Variants in CNTNAP2 observed in about 807,000 individuals in gnomAD.
CNTNAP2 encodes the protein contactin-associated protein-like 2.
A neutral mutation model predicts 155.2 loss-of-function variants in CNTNAP2; 98 were observed. The ratio of observed to expected loss-of-function variants is 0.63; its 90% CI spans 0.54 to 0.75. CNTNAP2 has a LOEUF of 0.75. Among genes scored for constraint, CNTNAP2 ranks in the 30% least tolerant of loss-of-function variants. The pLI is 0.00. For synonymous variants in CNTNAP2, 651 were observed against 631.2 expected, an observed-to-expected ratio of 1.03 and a Z score of -0.47; for missense variants, 1,727 against 1,688.1, an observed-to-expected ratio of 1.02 and a Z score of -0.40.
intron 3 of CNTNAP2, among the ~76,000 whole-genome samples, chr7:146,982,498 A>G (rs1798036997): frequency 6.6e-6 from 1 of 152,144 alleles, no homozygotes; most frequent in South Asian, 2.1e-4. Context: ...GAAAGTCTTG[A>G]TGCTCAATTA....
intron 3 of CNTNAP2, among the ~76,000 whole-genome samples, chr7:146,865,985 C>T (rs1001896891): frequency 6.6e-6 from 1 of 152,070 alleles, no homozygotes; most frequent in African/African-American, 2.4e-5. Flanking sequence ...TGAATACATT[C>T]TTCTTCTATT....
At chr7:147,108,928 G>A (rs142072183) in intron 5 of CNTNAP2, among the ~76,000 whole-genome samples, 167 of 152,278 alleles carry the variant, frequency 1.1e-3, no homozygotes, top group African/African-American at 3.6e-3. Flanking sequence ...GCACGCTCAA[G>A]AAGCAGGAAG....
At chr7:147,187,401 G>T (rs1229929592) in intron 8 of CNTNAP2, among the ~76,000 whole-genome samples, 1 of 152,014 alleles carries the variant, frequency 6.6e-6, no homozygotes, top group Non-Finnish European at 1.5e-5. Flanking sequence ...AGAAAATATG[G>T]TCACAAATAC....
intron 12 of CNTNAP2, among the ~76,000 whole-genome samples, chr7:147,584,061 C>T (rs1193763125): frequency 1.3e-5 from 2 of 152,074 alleles, no homozygotes; most frequent in South Asian, 2.1e-4. Context: ...ATTCAGAGGG[C>T]ACATCAGTGA....
At chr7:147,687,119 C>T (rs1218534608) in intron 13 of CNTNAP2, among the ~76,000 whole-genome samples, 1 of 152,012 alleles carries the variant, frequency 6.6e-6, no homozygotes, top group East Asian at 1.9e-4. Flanking sequence ...CAAATTATCA[C>T]TTGTATCCCA....
intron 11 of CNTNAP2, among the ~76,000 whole-genome samples, chr7:147,558,697 T>TTCCTTCC (rs1163377820): frequency 3.0e-4 from 44 of 148,932 alleles, no homozygotes; most frequent in East Asian, 8.1e-4. Flanking sequence ...TCGTTCGTTC[T>TTCCTTCC]TTCCTTCCTT....
chr7:146,998,222 T>C (rs1368430331), intron 3 of CNTNAP2, among the ~76,000 whole-genome samples: 2 of 152,056 alleles, frequency 1.3e-5, no homozygotes, highest in Non-Finnish European at 2.9e-5. Context: ...GCAGAATATG[T>C]TGTGTTCCCA....
intron 3 of CNTNAP2, among the ~76,000 whole-genome samples, chr7:146,990,828 G>C (rs1798195732): frequency 6.6e-6 from 1 of 152,028 alleles, no homozygotes; most frequent in Non-Finnish European, 1.5e-5. Context: ...AAGGGAAAAT[G>C]ACTTTTTGAA....
At chr7:146,487,635 C>T (rs1797076344) in intron 1 of CNTNAP2, among the ~76,000 whole-genome samples, 1 of 152,198 alleles carries the variant, frequency 6.6e-6, no homozygotes, top group Non-Finnish European at 1.5e-5. Context: ...AGATAGTTGA[C>T]ATTCAGAATG....
intron 1 of CNTNAP2, among the ~76,000 whole-genome samples, chr7:146,653,001 C>T (rs952841143): frequency 2.0e-5 from 3 of 152,046 alleles, no homozygotes; most frequent in Non-Finnish European, 4.4e-5. Context: ...TATTCACAGC[C>T]TCTGTTTTAA....
intron 1 of CNTNAP2, among the ~76,000 whole-genome samples, chr7:146,176,684 T>C (rs1798475608): frequency 6.6e-6 from 1 of 152,262 alleles, no homozygotes. Flanking sequence ...GGAGATTCAA[T>C]AGAAATGATA....
chr7:147,531,449 T>G (rs963215187), intron 11 of CNTNAP2, among the ~76,000 whole-genome samples: 3 of 152,226 alleles, frequency 2.0e-5, no homozygotes, highest in Non-Finnish European at 2.9e-5. Flanking sequence ...AATTCCTGAC[T>G]TCTGTGTACC....
chr7:146,977,815 C>T (rs1797941280), intron 3 of CNTNAP2, among the ~76,000 whole-genome samples: 1 of 152,074 alleles, frequency 6.6e-6, no homozygotes. Flanking sequence ...AGTTTTAGAT[C>T]TTCAAAAGCT....
At chr7:147,183,648 C>T (rs1192053494) in intron 8 of CNTNAP2, among the ~76,000 whole-genome samples, 2 of 152,152 alleles carry the variant, frequency 1.3e-5, no homozygotes, top group South Asian at 2.1e-4. Context: ...ATCCCCTATT[C>T]CCTATTTTCT....
rs567352772 is a variant in CNTNAP2 at position 147,472,455 on chromosome 7, C to T, written c.1671-13480C>T. Among the ~76,000 whole-genome samples the T allele has an allele frequency of 7.9e-5, 12 of 152,212 alleles. No individual in the cohort carries two copies. The South Asian group carries it at 1.9e-3, about 24-fold the overall frequency. ...CTCAAACTCCTGACTTCAAGTGATTCACCGACCTCCACCTCCCAAAGTTCT... is the reference window on the plus strand; with the variant it reads ...CTCAAACTCCTGACTTCAAGTGATTTACCGACCTCCACCTCCCAAAGTTCT... On this transcript the variant is annotated intron_variant, in intron 10 of 23. Coordinates refer to ENST00000361727, the MANE Select transcript of CNTNAP2 (RefSeq NM_014141.6).
chr7:147,285,652 T>C (rs1183559376), intron 8 of CNTNAP2, among the ~76,000 whole-genome samples: 2 of 152,052 alleles, frequency 1.3e-5, no homozygotes, highest in African/African-American at 4.8e-5. Context: ...AAAAAGTCAT[T>C]GACCAATAGC....
chr7:147,967,721 A>C (rs1368270672), intron 14 of CNTNAP2, among the ~76,000 whole-genome samples: 1 of 152,222 alleles, frequency 6.6e-6, no homozygotes, highest in African/African-American at 2.4e-5. Flanking sequence ...CTCACACTGC[A>C]TATCTACGTG....
chr7:148,075,075 C>G (rs1212573136), intron 15 of CNTNAP2, among the ~76,000 whole-genome samples: 1 of 152,162 alleles, frequency 6.6e-6, no homozygotes, highest in Non-Finnish European at 1.5e-5. Flanking sequence ...CATAGCTAAA[C>G]TGTCAATATT....
At chr7:146,225,802 G>A (rs1799283879) in intron 1 of CNTNAP2, among the ~76,000 whole-genome samples, 1 of 152,148 alleles carries the variant, frequency 6.6e-6, no homozygotes, top group Admixed American at 6.5e-5. Context: ...CCAGCTCACT[G>A]TTATGCTGGT....
Sources: gnomAD v4.1 joint callset for allele counts (sites outside exome capture counted in the v4.1 genomes callset) on GRCh38, gnomAD v4.1.1 for gene constraint, MANE v1.5 for transcripts, NCBI Gene and HGNC (gene_info 2026-07-23, HGNC 2026-07-21) for gene names.